The following DZIP1 variants were observed in gnomAD, a reference collection of about 807,000 sequenced individuals.
DZIP1 encodes cilium assembly protein DZIP1.
A neutral mutation model predicts 107.6 loss-of-function variants in DZIP1; 97 were observed. The observed-to-expected ratio is 0.90, with a 90% CI of 0.77 to 1.07. DZIP1 has a LOEUF of 1.07. Among genes scored for constraint, DZIP1 ranks in the 50% least tolerant of loss-of-function variants. DZIP1 has a pLI of 0.00. For missense variants in DZIP1, 1,035 were observed against 1,063.6 expected (o/e 0.97, Z 0.37); for synonymous variants, 390 against 386.4 (o/e 1.01, Z -0.11).
At chr13:95,587,218 C>T (rs533727409) in intron 20 of DZIP1, among the ~76,000 whole-genome samples, 2 of 152,148 alleles carry the variant, frequency 1.3e-5, no homozygotes, top group African/African-American at 4.8e-5. Context: ...CTCACAGGAA[C>T]CAACAGCGCC....
At chr13:95,635,198 C>CT (rs141715380) in intron 5 of DZIP1, among the ~76,000 whole-genome samples, 238 of 133,368 alleles carry the variant, frequency 1.8e-3, no homozygotes, top group African/African-American at 5.8e-3. Context: ...TGCATATTTC[C>CT]TTTTTTTTTT....
Position 95,642,065 on chromosome 13 carries a change from G to T in DZIP1, c.-36C>A. On this transcript the variant is annotated 5_prime_UTR_variant, in exon 4 of 23. Transcript: ENST00000376829. ...GGGCGGTCTTTACCCAGCCTGGGCCGCCTCCCGGGCCGCCGCCGCCACAGC... is the reference window on the plus strand; with the variant it reads ...GGGCGGTCTTTACCCAGCCTGGGCCTCCTCCCGGGCCGCCGCCGCCACAGC... 6.7e-7 allele frequency: 1 copy of T among 1,500,088 alleles called. No homozygotes were observed. The allele number at this position is 1,500,088 out of a possible 1,614,324, so 92.9% of individuals were successfully genotyped here. A position where few individuals can be genotyped will look rare whatever the true frequency, so the allele number is the denominator to read the frequency against.
At chr13:95,630,618 G>T in intron 6 of DZIP1, 1 of 912,318 alleles carries the variant, frequency 1.1e-6, no homozygotes, top group Non-Finnish European at 1.4e-6. Context: ...TGCAAACTTG[G>T]GCCATAGTCT....
chr13:95,642,015 TG>T lies in DZIP1; in HGVS notation c.14del (p.Ala5GlufsTer68). Reference protein sequence around the residue: MQAEAADWFSSMPFQ... With the variant: MQAEXADWFSSMPFQ... ...TTACCATGCTTGAAAACCAATCCGCTGCCTCAGCTTGCATAGGAGGAGCCGG... is the reference window on the plus strand; with the variant it reads ...TTACCATGCTTGAAAACCAATCCGCTCCTCAGCTTGCATAGGAGGAGCCGG... On this transcript the variant is annotated frameshift_variant, in exon 4 of 23. Coordinates refer to ENST00000376829, the MANE Select transcript of DZIP1 (RefSeq NM_198968.4). LOFTEE classifies it high-confidence loss of function. 1 of 1,576,704 alleles carries T rather than the reference TG, an allele frequency of 6.3e-7. No individual in the cohort carries two copies. The highest frequency in any genetic ancestry group is 1.8e-5 in the Admixed American group (1 of 54,984).
At chr13:95,592,214 A>T (rs1181814215) in intron 16 of DZIP1, among the ~76,000 whole-genome samples, 3 of 152,212 alleles carry the variant, frequency 2.0e-5, no homozygotes, top group Non-Finnish European at 4.4e-5. Context: ...CAAAAACAAA[A>T]TAAGCAAAAC....
rs767055475 is a variant in DZIP1 at position 95,578,573 on chromosome 13, GAACTT to G, written c.*3656_*3660del. The G allele has an allele frequency of 4.6e-5, 7 of 152,178 alleles. No individual in the cohort carries two copies. Among genetic ancestry groups the G allele is most frequent in the African/African-American group, 1.4e-4 (6 of 41,420 alleles). The allele number at this position is 152,178 out of a possible 1,614,324, so 9.4% of individuals were successfully genotyped here. A position where few individuals can be genotyped will look rare whatever the true frequency, so the allele number is the denominator to read the frequency against. On this transcript the variant is annotated 3_prime_UTR_variant, in exon 23 of 23. Coordinates refer to ENST00000376829, the MANE Select transcript of DZIP1 (RefSeq NM_198968.4). ...TGTTGAAGCAGCAAGTTATCTGGTA[GAACTT>G]AACTTCTACAGGATCAGAGAGGATC...
At position 95,641,426 on chromosome 13, in the gene DZIP1, C is replaced by A. The variant is rs1354249646; in HGVS notation, c.466G>T (p.Gly156Cys). Residue 156 changes from glycine to cysteine, a missense_variant, in exon 5 of 23, where the codon GGC becomes TGC. Transcript: ENST00000376829. The surrounding 1 kb of genome is among the most constrained non-coding windows in gnomAD (Gnocchi z 4.3). ...EERLRLSHCD[G>C]EQSKKLLTKQ... ...GTGAGCAGCTTCTTGCTCTGCTCGC[C>A]GTCGCAGTGGCTCAGGCGCAGCCGC... 6.2e-6 allele frequency: 10 copies of A among 1,614,016 alleles called. No homozygotes were observed. The Middle Eastern group carries it at 8.2e-4, about 133-fold the overall frequency.
intron 5 of DZIP1, among the ~76,000 whole-genome samples, chr13:95,638,765 G>A (rs1019569634): frequency 3.3e-5 from 5 of 151,580 alleles, no homozygotes; most frequent in African/African-American, 7.3e-5. Context: ...ATTTTTTTTT[G>A]TCTCAGCTAC....
At chr13:95,621,717 T>TGTGTGTGTGTGTGTGTGTGTG (rs1555311646) in intron 9 of DZIP1, among the ~76,000 whole-genome samples, 1 of 144,760 alleles carries the variant, frequency 6.9e-6, no homozygotes, top group African/African-American at 2.6e-5. Context: ...TGTGTGTGTA[T>TGTGTGTGTGTGTGTGTGTGTG]TTATTTATTT....
At position 95,610,107 on chromosome 13, in the gene DZIP1, T is replaced by TGAGA. The variant is rs1435687735; in HGVS notation, c.1364-595_1364-594insTCTC. Among the ~76,000 whole-genome samples the TGAGA allele has an allele frequency of 7.2e-3, 880 of 122,014 alleles. 35 individuals are homozygous for TGAGA. The highest frequency in any genetic ancestry group is 0.025 in the African/African-American group (793 of 31,348). 80.0% of individuals were successfully genotyped at this position (122,014 alleles called of 152,430 possible). A position where few individuals can be genotyped will look rare whatever the true frequency, so the allele number is the denominator to read the frequency against. On this transcript the variant is annotated intron_variant, in intron 12 of 22. Coordinates refer to ENST00000376829, the MANE Select transcript of DZIP1 (RefSeq NM_198968.4). ...GTGTGTGTGTGTGTGTGTGTGTGTG[T>TGAGA]GTGTGAGAGAGAGACAGAGAGAGAG...
At chr13:95,596,272 T>C (rs898263522) in intron 15 of DZIP1, among the ~76,000 whole-genome samples, 7 of 152,054 alleles carry the variant, frequency 4.6e-5, no homozygotes, top group African/African-American at 1.7e-4. Flanking sequence ...AGACTAGCAT[T>C]TCCTTCAAAT....
chr13:95,638,007 T>C (rs1430300776), intron 5 of DZIP1, among the ~76,000 whole-genome samples: 1 of 151,932 alleles, frequency 6.6e-6, no homozygotes, highest in Non-Finnish European at 1.5e-5. Context: ...GGGAAAATTA[T>C]TTATTTCTAA....
chr13:95,641,248 T>C lies in DZIP1; in HGVS notation c.597+47A>G, dbSNP rs766377162. 2.0e-6 allele frequency: 3 copies of C among 1,525,510 alleles called. No homozygotes were observed. The highest frequency in any genetic ancestry group is 2.6e-6 in the Non-Finnish European group (3 of 1,133,898). The allele number at this position is 1,525,510 out of a possible 1,614,324, so 94.5% of individuals were successfully genotyped here. A position where few individuals can be genotyped will look rare whatever the true frequency, so the allele number is the denominator to read the frequency against. ...CGGGACAGGCCTATCAAATGGGAAC[T>C]GAGTTGTTTACTGGATTATGAATCG... On this transcript the variant is annotated intron_variant, in intron 5 of 22. Coordinates refer to ENST00000376829, the MANE Select transcript of DZIP1 (RefSeq NM_198968.4). The surrounding 1 kb of genome is among the most constrained non-coding windows in gnomAD (Gnocchi z 4.3).
Position 95,582,409 on chromosome 13 carries a change from A to T in DZIP1, c.2525-96T>A. 2.9e-6 allele frequency: 3 copies of T among 1,027,914 alleles called. No individual in the cohort carries two copies. In the South Asian group the frequency reaches 4.0e-5, roughly 14 times the overall value. The allele number at this position is 1,027,914 out of a possible 1,614,324, so 63.7% of individuals were successfully genotyped here. A position where few individuals can be genotyped will look rare whatever the true frequency, so the allele number is the denominator to read the frequency against. On this transcript the variant is annotated intron_variant, in intron 22 of 22. Coordinates refer to ENST00000376829, the MANE Select transcript of DZIP1 (RefSeq NM_198968.4). ...AATCCATAATTTCATATTGTCATTA[A>T]TCACTCAGTGTCTAAATCTGTTCAT... is the stretch of plus-strand genomic sequence containing the variant.
At chr13:95,589,291 T>G (rs2044247070) in intron 18 of DZIP1, 84 bp from the exon 19 acceptor site, 4 of 1,187,232 alleles carry the variant, frequency 3.4e-6, no homozygotes, top group Non-Finnish European at 4.8e-6. Flanking sequence ...CTGGTGATTT[T>G]TGCTTTTGAC....
chr13:95,622,249 GACAA>G, intron 9 of DZIP1, 90 bp downstream of exon 9: 2 of 1,531,432 alleles, frequency 1.3e-6, no homozygotes, highest in Non-Finnish European at 1.8e-6. Flanking sequence ...TACTAAAAAA[GACAA>G]ACACTTTTTC....
chr13:95,608,885 G>C (rs770450704), intron 13 of DZIP1, among the ~76,000 whole-genome samples: 1 of 152,194 alleles, frequency 6.6e-6, no homozygotes, highest in Non-Finnish European at 1.5e-5. Context: ...CATGGCACAG[G>C]TACCTGCCCT....
chr13:95,582,561 A>G (rs2044038375), intron 22 of DZIP1, among the ~76,000 whole-genome samples: 1 of 152,130 alleles, frequency 6.6e-6, no homozygotes, highest in Non-Finnish European at 1.5e-5. Flanking sequence ...TGCAGCCTAC[A>G]AACAGCAGGG....
At chr13:95,631,824 A>AC (rs1877231681) in intron 6 of DZIP1, among the ~76,000 whole-genome samples, 1 of 151,996 alleles carries the variant, frequency 6.6e-6, no homozygotes, top group Admixed American at 6.6e-5. Context: ...ATACAGTAGG[A>AC]CCACTCCCTC....
Sources: gnomAD v4.1 joint callset for allele counts (sites outside exome capture counted in the v4.1 genomes callset) on GRCh38, gnomAD v4.1.1 for gene constraint, Gnocchi (gnomAD v3.1) non-coding constraint, MANE v1.5 for transcripts, NCBI Gene and HGNC (gene_info 2026-07-23, HGNC 2026-07-21) for gene names.